Variants in LRRC37B observed in about 807,000 individuals in gnomAD.
LRRC37B encodes leucine rich repeat containing 37B.
A neutral mutation model predicts 98.3 loss-of-function variants in LRRC37B; 28 were observed. The ratio of observed to expected loss-of-function variants is 0.28; its 90% CI spans 0.21 to 0.39. The LOEUF (loss-of-function observed/expected upper bound fraction) is 0.39. LRRC37B is among the 10% of genes least tolerant of loss of function. The probability of loss-of-function intolerance (pLI) is 1.00; values close to 1 mark genes in which losing one functional copy is unlikely to be tolerated. For synonymous variants in LRRC37B, 364 were observed against 442.7 expected, an observed-to-expected ratio of 0.82 and a Z score of 2.23; for missense variants, 938 against 1,182.7, an observed-to-expected ratio of 0.79 and a Z score of 3.03.
intron 1 of LRRC37B, among the ~76,000 whole-genome samples, chr17:32,014,526 G>A (rs1161651764): frequency 6.6e-6 from 1 of 152,182 alleles, no homozygotes; most frequent in Non-Finnish European, 1.5e-5. Flanking sequence ...TAGGCCAAAG[G>A]AAAATTATAC....
chr17:32,031,227 A>G (rs566789244), intron 4 of LRRC37B, 151 bp from the exon 8 acceptor site: 27 of 1,289,776 alleles, frequency 2.1e-5, no homozygotes, highest in Non-Finnish European at 2.7e-5. Flanking sequence ...TAAAGTATAA[A>G]CCATAAGCCA....
At chr17:32,019,208 C>T (rs1444141191), upstream of LRRC37B, among the ~76,000 whole-genome samples, 9 of 152,108 alleles carry the variant, frequency 5.9e-5, no homozygotes, top group African/African-American at 1.9e-4. Flanking sequence ...ATTACAGGTG[C>T]GAGCCGCTGC....
In LRRC37B at chr17:32,022,891, C is replaced by G. The variant is rs540557581; in HGVS notation, c.1760+66C>G. The G allele has an allele frequency of 2.3e-4, 339 of 1,476,598 alleles. 5 individuals carry two copies. The South Asian group carries it at 3.1e-3, about 13-fold the overall frequency. 91.5% of individuals were successfully genotyped at this position (1,476,598 alleles called of 1,614,324 possible). ...TGACATGGCAGCCTTTTCCTGGAGGCCTTCCTGGGCCTTCTTTATCTCCCC... is the reference window on the plus strand; with the variant it reads ...TGACATGGCAGCCTTTTCCTGGAGGGCTTCCTGGGCCTTCTTTATCTCCCC... On this transcript the variant is annotated intron_variant, in intron 1 of 11. Coordinates refer to ENST00000327564, the Ensembl canonical transcript of LRRC37B.
chr17:32,014,019 C>T (rs1910596130), intron 1 of LRRC37B, among the ~76,000 whole-genome samples: 1 of 152,146 alleles, frequency 6.6e-6, no homozygotes, highest in African/African-American at 2.4e-5. Context: ...CAACTTTCCC[C>T]TAATTATCAG....
At chr17:32,044,990 A>G (rs1453274978) in intron 7 of LRRC37B, among the ~76,000 whole-genome samples, 1 of 152,188 alleles carries the variant, frequency 6.6e-6, no homozygotes, top group Non-Finnish European at 1.5e-5. Context: ...ATGTCTTTTC[A>G]CCCAACTCCA....
chr17:32,013,837 A>G (rs1242689868), intron 1 of LRRC37B, among the ~76,000 whole-genome samples: 2 of 152,118 alleles, frequency 1.3e-5, no homozygotes, highest in African/African-American at 2.4e-5. Flanking sequence ...ACATATATCC[A>G]CATACATTGA....
intron 7 of LRRC37B, chr17:32,041,551 C>G (rs995472247): frequency 1.6e-5 from 8 of 501,522 alleles, no homozygotes; most frequent in African/African-American, 1.5e-4. Flanking sequence ...CCGCCCCGCC[C>G]CTCCATCCAC....
upstream of LRRC37B, among the ~76,000 whole-genome samples, chr17:32,018,771 G>T (rs570561837): frequency 6.6e-6 from 1 of 152,042 alleles, no homozygotes; most frequent in Non-Finnish European, 1.5e-5. Flanking sequence ...ATTATCTCCC[G>T]TATACCTTGG....
At chr17:32,013,060 TA>T (rs1353014009) in intron 1 of LRRC37B, among the ~76,000 whole-genome samples, 28 of 152,322 alleles carry the variant, frequency 1.8e-4, no homozygotes, top group African/African-American at 6.7e-4. Flanking sequence ...AATACTAATA[TA>T]AAATTAGTGT....
At chr17:32,048,873 C>A in intron 9 of LRRC37B, 1 of 1,545,636 alleles carries the variant, frequency 6.5e-7, no homozygotes, top group Non-Finnish European at 8.9e-7. Context: ...ATAGAAAACA[C>A]TAGTGTAAAA....
In LRRC37B at chr17:32,045,836, G is replaced by A. The variant is rs764447885; in HGVS notation, c.2323+18G>A. The stretch of plus-strand genomic sequence containing the variant: ...ACATTGTCGTGAGTCCAAATTGCCT[G>A]GTGATAAATTGTTACATTATTTTAA... On this transcript the variant is annotated intron_variant, in intron 8 of 11. Coordinates refer to ENST00000327564, the Ensembl canonical transcript of LRRC37B. The A allele has an allele frequency of 1.3e-6, 2 of 1,592,126 alleles. No homozygotes were observed. The highest frequency in any genetic ancestry group is 3.4e-5 in the Admixed American group (2 of 59,318).
intron 2 of LRRC37B, among the ~76,000 whole-genome samples, chr17:32,026,769 A>G (rs939832122): frequency 2.6e-5 from 4 of 152,244 alleles, no homozygotes; most frequent in South Asian, 2.1e-4. Flanking sequence ...TACAAAAGTC[A>G]GGGTAGTGGT....
intron 7 of LRRC37B, chr17:32,039,936 A>G (rs538223451): frequency 7.9e-5 from 12 of 152,176 alleles, no homozygotes; most frequent in Admixed American, 5.9e-4. Context: ...TCATTGACCA[A>G]CTTTCTCACT....
chr17:32,037,836 G>GCA (rs1411235818), intron 7 of LRRC37B, among the ~76,000 whole-genome samples: 10 of 152,004 alleles, frequency 6.6e-5, no homozygotes, highest in Non-Finnish European at 1.2e-4. Context: ...GGCCAGGCAT[G>GCA]GTGGCTCATG....
chr17:32,049,886 A>T (rs1313069585), intron 10 of LRRC37B, 117 bp from the exon 14 acceptor site: 1 of 599,582 alleles, frequency 1.7e-6, no homozygotes, highest in Non-Finnish European at 2.9e-6. Flanking sequence ...TAAAAAGAAC[A>T]AAAGAACCTG....
intron 1 of LRRC37B, among the ~76,000 whole-genome samples, chr17:32,014,974 A>G (rs973540695): frequency 1.3e-5 from 2 of 152,154 alleles, no homozygotes; most frequent in African/African-American, 4.8e-5. Context: ...TCTACAAAAA[A>G]TATAAAAATT....
intron 11 of LRRC37B, 87 bp downstream of exon 14, chr17:32,050,194 T>C (rs1911712504): frequency 1.3e-6 from 1 of 764,722 alleles, no homozygotes; most frequent in African/African-American, 1.7e-5. Flanking sequence ...CCAACGTCAC[T>C]TTCCCACTTG....
intron 11 of LRRC37B, chr17:32,050,406 A>G: frequency 3.6e-6 from 1 of 279,710 alleles, no homozygotes; most frequent in East Asian, 8.7e-5. Flanking sequence ...AATTGGATGT[A>G]CTCACTGAGT....
rs1911208721 is a variant in LRRC37B, at chr17:32,034,993, A to G, written c.2129+12A>G. ...GCATTAAAATATCTGTAAGTACTAT[A>G]GTACTCTCATGAGTCATGAGATGAT... On this transcript the variant is annotated intron_variant, in intron 6 of 11. Coordinates refer to ENST00000327564, the Ensembl canonical transcript of LRRC37B. 4 of 1,550,706 alleles carry G rather than the reference A, an allele frequency of 2.6e-6. No individual in the cohort carries two copies. The highest frequency in any genetic ancestry group is 3.5e-6 in the Non-Finnish European group (4 of 1,127,728).
Sources: allele counts gnomAD v4.1 joint callset (sites outside exome capture counted in the v4.1 genomes callset), GRCh38; gene constraint gnomAD v4.1.1; transcripts MANE v1.5; gene names NCBI Gene and HGNC (gene_info 2026-07-23, HGNC 2026-07-21).